The following RFTN1 variants were observed in gnomAD, a reference collection of about 807,000 sequenced individuals.
RFTN1 encodes the protein raftlin, lipid raft linker 1.
In RFTN1, 26 loss-of-function variants were observed where a neutral mutation model predicts 46.5. The observed-to-expected ratio is 0.56, with a 90% CI of 0.41 to 0.78. The LOEUF is 0.78. Among genes scored for constraint, RFTN1 ranks in the 30% least tolerant of loss-of-function variants. The probability of loss-of-function intolerance (pLI) is 0.00; values close to 1 mark genes in which losing one functional copy is unlikely to be tolerated. For missense variants in RFTN1, 693 were observed against 718.7 expected, an observed-to-expected ratio of 0.96 and a Z score of 0.41; for synonymous variants, 261 against 284.2, an observed-to-expected ratio of 0.92 and a Z score of 0.82.
rs190445134 is a variant in RFTN1 at position 16,460,344 on chromosome 3, T to C, written c.146-26307A>G. 5.9e-5 allele frequency among the ~76,000 whole-genome samples: 9 copies of C among 152,338 alleles called. No homozygotes were observed. Among genetic ancestry groups the C allele is most frequent in the Admixed American group, 5.2e-4 (8 of 15,296 alleles). Reference sequence around the variant, plus strand: ...AACAAATTCCTCCTTTCTTCTTTTTTTCTGCTGCCAAAGCCCAATAGGCTT... The same window carrying C: ...AACAAATTCCTCCTTTCTTCTTTTTCTCTGCTGCCAAAGCCCAATAGGCTT... On this transcript the variant is annotated intron_variant, in intron 2 of 9. Coordinates refer to ENST00000334133, the MANE Select transcript of RFTN1 (RefSeq NM_015150.2). This position sits in a 1 kb window ranked among gnomAD's most constrained non-coding sequence, Gnocchi z 4.8.
Position 16,382,953 on chromosome 3 carries a change from C to T in RFTN1, c.442-4851G>A, listed in dbSNP as rs2125387631. ...AGCCATGGAGCTCCCCACAGACTCC[C>T]ACGCATGCCCACAACATCTCTAACA... On this transcript the variant is annotated intron_variant, in intron 4 of 9. Coordinates refer to ENST00000334133, the MANE Select transcript of RFTN1 (RefSeq NM_015150.2). The surrounding 1 kb of genome is among the most constrained non-coding windows in gnomAD (Gnocchi z 4.7). Among the ~76,000 whole-genome samples the T allele has an allele frequency of 6.6e-6, 1 of 152,314 alleles. No homozygotes were observed. The highest frequency in any genetic ancestry group is 2.4e-5 in the African/African-American group (1 of 41,562).
intron 8 of RFTN1, among the ~76,000 whole-genome samples, chr3:16,325,143 T>C (rs2069568755): frequency 6.6e-6 from 1 of 152,250 alleles, no homozygotes; most frequent in Admixed American, 6.5e-5. Context: ...TGCACCTATT[T>C]TGTGTAGCGG....
rs752345661 is a variant in RFTN1, at chr3:16,509,449, G to C, written c.-9+3993C>G. ...TCAATTTCCTCAGGGCTGAAGTGAA[G>C]ATAATATAAGTACTCGCCTCTCATG... On this transcript the variant is annotated intron_variant, in intron 1 of 9. Coordinates refer to ENST00000334133, the MANE Select transcript of RFTN1 (RefSeq NM_015150.2). This position sits in a 1 kb window ranked among gnomAD's most constrained non-coding sequence, Gnocchi z 4.9. Among the ~76,000 whole-genome samples the C allele has an allele frequency of 2.6e-5, 4 of 152,156 alleles. No homozygotes were observed. The highest frequency in any genetic ancestry group is 4.4e-5 in the Non-Finnish European group (3 of 68,034).
At position 16,467,178 on chromosome 3, in the gene RFTN1, G is replaced by A. The variant is rs111863337; in HGVS notation, c.145+26547C>T. Reference sequence around the variant, plus strand: ...GCCTGAGCCTGGGAACCAGTGGGAGGAATGAAACAGACGGATGCATAGAGA... The same window carrying A: ...GCCTGAGCCTGGGAACCAGTGGGAGAAATGAAACAGACGGATGCATAGAGA... On this transcript the variant is annotated intron_variant, in intron 2 of 9. Coordinates refer to ENST00000334133, the MANE Select transcript of RFTN1 (RefSeq NM_015150.2). Among the ~76,000 whole-genome samples, 3 of 152,246 alleles carry A rather than the reference G, an allele frequency of 2.0e-5. 1 individual carries two copies. The highest frequency in any genetic ancestry group is 7.2e-5 in the African/African-American group (3 of 41,544).
chr3:16,349,553 A>G (rs1374660423), intron 7 of RFTN1: 2 of 152,280 alleles, frequency 1.3e-5, no homozygotes, highest in African/African-American at 4.8e-5. Context: ...GTGCACACGT[A>G]TACACATACG....
intron 6 of RFTN1, among the ~76,000 whole-genome samples, chr3:16,362,963 G>A (rs1302868399): frequency 1.3e-5 from 2 of 152,126 alleles, no homozygotes; most frequent in Non-Finnish European, 2.9e-5. Flanking sequence ...CGGCTAGCTT[G>A]AGGGCATGAA....
In RFTN1 at chr3:16,323,475, G is replaced by C. The variant is rs375698035; in HGVS notation, c.1251-18C>G. 770 of 1,595,930 alleles carry C rather than the reference G, an allele frequency of 4.8e-4. 2 individuals carry two copies. Among genetic ancestry groups the C allele is most frequent in the Non-Finnish European group, 6.5e-4 (756 of 1,165,024 alleles). On this transcript the variant is annotated intron_variant, in intron 8 of 9. Coordinates refer to ENST00000334133, the MANE Select transcript of RFTN1 (RefSeq NM_015150.2). The stretch of plus-strand genomic sequence containing the variant: ...TCCCCTCGCTGTAACACACGGAGCT[G>C]AGAATGAGCCACTTTATGCCTTAGA...
chr3:16,478,972 C>A (rs1464151523), intron 2 of RFTN1, among the ~76,000 whole-genome samples: 1 of 152,174 alleles, frequency 6.6e-6, no homozygotes, highest in Non-Finnish European at 1.5e-5. Flanking sequence ...TTTGCTGTAT[C>A]CTGTTCACTA....
In RFTN1 at chr3:16,474,213, A is replaced by T. The variant is rs2076246036; in HGVS notation, c.145+19512T>A. On this transcript the variant is annotated intron_variant, in intron 2 of 9. Coordinates refer to ENST00000334133, the MANE Select transcript of RFTN1 (RefSeq NM_015150.2). The surrounding 1 kb of genome is among the most constrained non-coding windows in gnomAD (Gnocchi z 5.5). ...TATTCAATTCTAACAACGCCAGGAAATATACTGCATTTTACAGATAAGAAA... is the reference window on the plus strand; with the variant it reads ...TATTCAATTCTAACAACGCCAGGAATTATACTGCATTTTACAGATAAGAAA... Among the ~76,000 whole-genome samples, 1 of 152,220 alleles carries T rather than the reference A, an allele frequency of 6.6e-6. No individual in the cohort carries two copies. Among genetic ancestry groups the T allele is most frequent in the African/African-American group, 2.4e-5 (1 of 41,458 alleles).
intron 7 of RFTN1, among the ~76,000 whole-genome samples, chr3:16,347,252 C>G (rs932548919): frequency 6.6e-6 from 1 of 152,168 alleles, no homozygotes; most frequent in African/African-American, 2.4e-5. Context: ...CAAGGACACC[C>G]TACAGGGCAA....
chr3:16,336,018 G>A lies in RFTN1; in HGVS notation c.1147-9142C>T, dbSNP rs71310335. Among the ~76,000 whole-genome samples, 6,594 of 152,288 alleles carry A rather than the reference G, an allele frequency of 0.043. 205 individuals carry two copies. The highest frequency in any genetic ancestry group is 0.067 in the Non-Finnish European group (4,566 of 68,020). ...CTGCTCAGCACACGCTGGCTATAGC[G>A]GCACTCGAGGAGGGTAGAGGTCCTG... is the stretch of plus-strand genomic sequence containing the variant. On this transcript the variant is annotated intron_variant, in intron 7 of 9. Coordinates refer to ENST00000334133, the MANE Select transcript of RFTN1 (RefSeq NM_015150.2). The surrounding 1 kb of genome is among the most constrained non-coding windows in gnomAD (Gnocchi z 6.0).
At position 16,449,503 on chromosome 3, in the gene RFTN1, C is replaced by T. The variant is rs2075787996; in HGVS notation, c.146-15466G>A. On this transcript the variant is annotated intron_variant, in intron 2 of 9. Coordinates refer to ENST00000334133, the MANE Select transcript of RFTN1 (RefSeq NM_015150.2). This position sits in a 1 kb window ranked among gnomAD's most constrained non-coding sequence, Gnocchi z 5.1. The stretch of plus-strand genomic sequence containing the variant: ...TAATGCACATAAAGTCCTAGAACTG[C>T]ACCTGGAACTGGTAACTCCTCCATA... Among the ~76,000 whole-genome samples, 2 of 152,194 alleles carry T rather than the reference C, an allele frequency of 1.3e-5. No homozygotes were observed.
rs748104048 is a variant in RFTN1, at chr3:16,316,841, A to G, written c.1724T>C (p.Val575Ala). ...ATTGCCCAAGACTCAGTTTTCTTCA[A>G]CCGTACCAAGCTCTCTGACTTCCTC... ...DAEEVRELGT[V>A]EEN Residue 575 changes from valine to alanine, a missense_variant, in exon 10 of 10, where the codon GTT (valine) becomes GCT (alanine). Val to Ala is a moderately conservative substitution (Grantham distance 64, BLOSUM62 0). Transcript: ENST00000334133. The surrounding 1 kb of genome is among the most constrained non-coding windows in gnomAD (Gnocchi z 4.5). 3.1e-6 allele frequency: 5 copies of G among 1,613,920 alleles called. No homozygotes were observed. Among genetic ancestry groups the G allele is most frequent in the Non-Finnish European group, 3.4e-6 (4 of 1,179,986 alleles).
Position 16,452,999 on chromosome 3 carries a change from A to G in RFTN1, c.146-18962T>C, listed in dbSNP as rs1305373930. ...TTATGGAAATAATATGAACAACAGT[A>G]ACAATGATAGCTACCTTCCATTGGA... On this transcript the variant is annotated intron_variant, in intron 2 of 9. Transcript: ENST00000334133. This position sits in a 1 kb window ranked among gnomAD's most constrained non-coding sequence, Gnocchi z 6.3. 2.6e-5 allele frequency among the ~76,000 whole-genome samples: 4 copies of G among 152,274 alleles called. No individual in the cohort carries two copies. Among genetic ancestry groups the G allele is most frequent in the Non-Finnish European group, 5.9e-5 (4 of 68,048 alleles).
rs150870184 is a variant in RFTN1 at position 16,381,553 on chromosome 3, A to AT, written c.442-3452dup. Among the ~76,000 whole-genome samples the AT allele has an allele frequency of 0.057, 8,546 of 150,580 alleles. 311 individuals are homozygous for AT. Among genetic ancestry groups the AT allele is most frequent in the Middle Eastern group, 0.15 (43 of 294 alleles). On this transcript the variant is annotated intron_variant, in intron 4 of 9. Coordinates refer to ENST00000334133, the MANE Select transcript of RFTN1 (RefSeq NM_015150.2). The surrounding 1 kb of genome is among the most constrained non-coding windows in gnomAD (Gnocchi z 4.2). ...CCTCACCTTAAAGCATTCAAATCCA[A>AT]TTTTTTTTTTCCAAAATGCCATGCT...
At chr3:16,325,905 T>C (rs1470732306) in intron 8 of RFTN1, among the ~76,000 whole-genome samples, 3 of 152,198 alleles carry the variant, frequency 2.0e-5, no homozygotes, top group African/African-American at 7.2e-5. Context: ...GGTGGAGCTC[T>C]GGGGGCCACA....
chr3:16,388,333 C>T (rs1231531087), intron 4 of RFTN1, among the ~76,000 whole-genome samples: 1 of 152,182 alleles, frequency 6.6e-6, no homozygotes, highest in Non-Finnish European at 1.5e-5. Context: ...GTTCCTGGTA[C>T]ACAGTAAGTA....
chr3:16,376,777 AT>A lies in RFTN1; in HGVS notation c.826+940del, dbSNP rs1303302342. ...AGCCCCTGGAATTAACCATCCCATA[AT>A]TTTCCTCTCAAGAAGTTCTGATGTA... On this transcript the variant is annotated intron_variant, in intron 5 of 9. Coordinates refer to ENST00000334133, the MANE Select transcript of RFTN1 (RefSeq NM_015150.2). This position sits in a 1 kb window ranked among gnomAD's most constrained non-coding sequence, Gnocchi z 4.7. 2.0e-5 allele frequency among the ~76,000 whole-genome samples: 3 copies of A among 152,116 alleles called. No individual in the cohort carries two copies. Among genetic ancestry groups the A allele is most frequent in the Admixed American group, 6.5e-5 (1 of 15,280 alleles).
chr3:16,448,210 A>T lies in RFTN1; in HGVS notation c.146-14173T>A, dbSNP rs1031326980. ...TCTAAGATATTGGATTAAATAAAAT[A>T]TATCATGAAAATTAACTTGCCTGTT... On this transcript the variant is annotated intron_variant, in intron 2 of 9. Coordinates refer to ENST00000334133, the MANE Select transcript of RFTN1 (RefSeq NM_015150.2). The surrounding 1 kb of genome is among the most constrained non-coding windows in gnomAD (Gnocchi z 4.1). 6.6e-6 allele frequency among the ~76,000 whole-genome samples: 1 copy of T among 152,128 alleles called. No individual in the cohort carries two copies. Among genetic ancestry groups the T allele is most frequent in the Non-Finnish European group, 1.5e-5 (1 of 68,018 alleles).
Sources: allele counts gnomAD v4.1 joint callset (sites outside exome capture counted in the v4.1 genomes callset), GRCh38; gene constraint gnomAD v4.1.1; non-coding constraint Gnocchi (gnomAD v3.1); transcripts MANE v1.5; gene names NCBI Gene and HGNC (gene_info 2026-07-23, HGNC 2026-07-21).